Variants in TMPRSS12 observed in about 807,000 individuals in gnomAD.
TMPRSS12 encodes transmembrane protease serine 12.
In TMPRSS12, 25 loss-of-function variants were observed where a neutral mutation model predicts 26.0. The ratio of observed to expected loss-of-function variants is 0.96; its 90% CI spans 0.70 to 1.34. The LOEUF (loss-of-function observed/expected upper bound fraction) is 1.34, where lower values mean the gene tolerates loss of function less well. TMPRSS12 is among the 40% of genes most tolerant of loss of function. The probability of loss-of-function intolerance (pLI) is 0.00; values close to 1 mark genes in which losing one functional copy is unlikely to be tolerated. For missense variants in TMPRSS12, 441 were observed against 440.1 expected (o/e 1.00, Z -0.02); for synonymous variants, 150 against 161.7 (o/e 0.93, Z 0.55).
intron 3 of TMPRSS12, among the ~76,000 whole-genome samples, chr12:50,875,066 T>C (rs917318021): frequency 2.0e-5 from 3 of 152,184 alleles, no homozygotes; most frequent in Non-Finnish European, 4.4e-5. Flanking sequence ...ATGTTGTTTT[T>C]TCACAGGTCT....
chr12:50,861,389 CTTT>C (rs10607636), intron 3 of TMPRSS12, among the ~76,000 whole-genome samples: 10 of 150,866 alleles, frequency 6.6e-5, no homozygotes, highest in Admixed American at 2.0e-4. Flanking sequence ...TATTATTTTT[CTTT>C]TTTTTTTTTC....
At chr12:50,853,557 T>C (rs1247075843) in intron 2 of TMPRSS12, among the ~76,000 whole-genome samples, 1 of 131,496 alleles carries the variant, frequency 7.6e-6, no homozygotes, top group East Asian at 2.1e-4. Flanking sequence ...ATAAATAAGA[T>C]TGATAGACCA....
chr12:50,869,439 G>C (rs1938021893), intron 3 of TMPRSS12, among the ~76,000 whole-genome samples: 1 of 152,056 alleles, frequency 6.6e-6, no homozygotes, highest in African/African-American at 2.4e-5. Flanking sequence ...AACCCTCCTA[G>C]CTTAAATCAG....
chr12:50,887,803 C>A lies in TMPRSS12; in HGVS notation c.*290C>A. On this transcript the variant is annotated 3_prime_UTR_variant, in exon 5 of 5. Transcript: ENST00000398458. ...ACATATATTTTATGTGTATAAATGC[C>A]AAATAATAGTTTATAATTAAAATGA... 4.7e-6 allele frequency: 1 copy of A among 212,946 alleles called. No homozygotes were observed. The highest frequency in any genetic ancestry group is 9.1e-6 in the Non-Finnish European group (1 of 109,358). The allele number at this position is 212,946 out of a possible 1,614,324, so 13.2% of individuals were successfully genotyped here.
rs190790095 is a variant in TMPRSS12 at position 50,853,285 on chromosome 12, A to G, written c.384-5500A>G. On this transcript the variant is annotated intron_variant, in intron 2 of 4. Transcript: ENST00000398458. ...GAAATTCTTTGAAACTAACAAAAAC[A>G]AGGATACAACATACCAGAATCTCTG... 9.9e-4 allele frequency among the ~76,000 whole-genome samples: 151 copies of G among 152,310 alleles called. 1 individual carries two copies. The highest frequency in any genetic ancestry group is 3.4e-3 in the African/African-American group (143 of 41,582).
intron 2 of TMPRSS12, among the ~76,000 whole-genome samples, chr12:50,849,906 AC>A (rs962792113): frequency 1.3e-5 from 2 of 148,480 alleles, no homozygotes; most frequent in African/African-American, 5.0e-5. Flanking sequence ...TTTCAGGTAA[AC>A]CCCCTCCCTC....
At chr12:50,855,814 ATCAATGATGGACTGGAT>A (rs1937871490) in intron 2 of TMPRSS12, among the ~76,000 whole-genome samples, 1 of 152,230 alleles carries the variant, frequency 6.6e-6, no homozygotes, top group African/African-American at 2.4e-5. Context: ...CTAGATGCTC[ATCAATGATGGACTGGAT>A]AAAGAAAATG....
intron 2 of TMPRSS12, among the ~76,000 whole-genome samples, chr12:50,848,822 C>G (rs1233486145): frequency 6.6e-6 from 1 of 152,194 alleles, no homozygotes; most frequent in Non-Finnish European, 1.5e-5. Context: ...GGGCACTCAT[C>G]CTTGCATAGG....
At chr12:50,849,670 G>A (rs1937806412) in intron 2 of TMPRSS12, among the ~76,000 whole-genome samples, 2 of 151,748 alleles carry the variant, frequency 1.3e-5, no homozygotes, top group South Asian at 4.2e-4. Flanking sequence ...TTACCTAGCA[G>A]AATGCATTTG....
At chr12:50,880,864 G>A (rs1938156389) in intron 3 of TMPRSS12, among the ~76,000 whole-genome samples, 1 of 149,170 alleles carries the variant, frequency 6.7e-6, no homozygotes, top group African/African-American at 2.5e-5. Flanking sequence ...TTGGTATATA[G>A]CTAAATGAAG....
At chr12:50,853,510 T>C (rs1937845539) in intron 2 of TMPRSS12, among the ~76,000 whole-genome samples, 1 of 97,150 alleles carries the variant, frequency 1.0e-5, no homozygotes, top group African/African-American at 3.9e-5. Context: ...CAAAAAAACA[T>C]ACAAAAGATC....
chr12:50,876,004 T>G (rs1938109590), intron 3 of TMPRSS12, among the ~76,000 whole-genome samples: 1 of 152,070 alleles, frequency 6.6e-6, no homozygotes, highest in Non-Finnish European at 1.5e-5. Context: ...AAGCTACATA[T>G]CCTACAAAGG....
intron 2 of TMPRSS12, among the ~76,000 whole-genome samples, chr12:50,844,415 C>T (rs1173848744): frequency 6.6e-6 from 1 of 151,846 alleles, no homozygotes; most frequent in African/African-American, 2.4e-5. Flanking sequence ...ACTCTGTTAC[C>T]CAGGCTGGAG....
At chr12:50,844,073 A>G (rs1486091040) in intron 2 of TMPRSS12, 36 bp downstream of exon 2, 1 of 1,468,972 alleles carries the variant, frequency 6.8e-7, no homozygotes, top group African/African-American at 1.4e-5. Flanking sequence ...TTATGCTCTT[A>G]GGGGATATTT....
At chr12:50,870,265 G>T (rs1211892403) in intron 3 of TMPRSS12, among the ~76,000 whole-genome samples, 1 of 151,736 alleles carries the variant, frequency 6.6e-6, no homozygotes, top group East Asian at 1.9e-4. Context: ...GATCAAGTGG[G>T]TTTCATATCA....
chr12:50,872,816 CG>C lies in TMPRSS12; in HGVS notation c.653-12429del, dbSNP rs1374937134. On this transcript the variant is annotated intron_variant, in intron 3 of 4. Transcript: ENST00000398458. ...GACGTATATATGTACATATATATGA[CG>C]TATATATGTACATATATATGACGTC... is the stretch of plus-strand genomic sequence containing the variant. Among the ~76,000 whole-genome samples, 3 of 77,946 alleles carry C rather than the reference CG, an allele frequency of 3.8e-5. 1 individual carries two copies. Among genetic ancestry groups the C allele is most frequent in the Non-Finnish European group, 5.8e-5 (2 of 34,266 alleles). The allele number at this position is 77,946 out of a possible 152,430, so 51.1% of individuals were successfully genotyped here.
intron 2 of TMPRSS12, among the ~76,000 whole-genome samples, chr12:50,858,360 T>C (rs1288081987): frequency 1.3e-5 from 2 of 152,232 alleles, no homozygotes; most frequent in East Asian, 3.8e-4. Flanking sequence ...TATCTCTTTG[T>C]GTATCTCTAA....
intron 3 of TMPRSS12, among the ~76,000 whole-genome samples, chr12:50,877,025 TG>T (rs1201440828): frequency 6.6e-6 from 1 of 151,782 alleles, no homozygotes; most frequent in African/African-American, 2.4e-5. Flanking sequence ...GACATAAAGG[TG>T]GTCACAAAAG....
chr12:50,844,213 T>G (rs1229388525), intron 2 of TMPRSS12, among the ~76,000 whole-genome samples, 176 bp downstream of exon 2: 1 of 152,064 alleles, frequency 6.6e-6, no homozygotes, highest in South Asian at 2.1e-4. Context: ...ATTATTATTA[T>G]ACTTTAAGTT....
Sources: allele counts gnomAD v4.1 joint callset (sites outside exome capture counted in the v4.1 genomes callset), GRCh38; gene constraint gnomAD v4.1.1; transcripts MANE v1.5; gene names NCBI Gene and HGNC (gene_info 2026-07-23, HGNC 2026-07-21).